VWC2: variants seen among roughly 807,000 people sequenced by gnomAD.
The protein encoded by VWC2 is brorin.
A neutral mutation model predicts 29.8 loss-of-function variants in VWC2; 14 were observed. The observed-to-expected ratio is 0.47, with a 90% CI of 0.31 to 0.74. VWC2 has a LOEUF of 0.74. VWC2 is among the 30% of genes least tolerant of loss of function. The pLI is 0.05. For missense variants in VWC2, 457 were observed against 459.8 expected (o/e 0.99, Z 0.05); for synonymous variants, 213 against 199.0 (o/e 1.07, Z -0.59).
Position 49,819,940 on chromosome 7 carries a change from G to C in VWC2, c.826+17100G>C, listed in dbSNP as rs1391365947. Reference sequence around the variant, plus strand: ...GAGGGCATTGAGCTTTCCTGTATCTGCTTCTTCTTAATTGTCTTCAGCTCA... The same window carrying C: ...GAGGGCATTGAGCTTTCCTGTATCTCCTTCTTCTTAATTGTCTTCAGCTCA... On this transcript the variant is annotated intron_variant, in intron 3 of 3. Coordinates refer to ENST00000340652, the MANE Select transcript of VWC2 (RefSeq NM_198570.5). Among the ~76,000 whole-genome samples the C allele has an allele frequency of 3.9e-5, 6 of 152,254 alleles. No homozygotes were observed. In the Middle Eastern group the frequency reaches 0.01, roughly 259 times the overall value.
At position 49,856,798 on chromosome 7, in the gene VWC2, A is replaced by G. The variant is rs547302218; in HGVS notation, c.826+53958A>G. On this transcript the variant is annotated intron_variant, in intron 3 of 3. Transcript: ENST00000340652. ...GCCGAGGTGGGCGGATCACGAGGTC[A>G]GGAGATCGAGACCATCCTGGCTAAC... Among the ~76,000 whole-genome samples the G allele has an allele frequency of 3.3e-5, 5 of 152,212 alleles. No homozygotes were observed. The East Asian group carries it at 9.7e-4, about 29-fold the overall frequency.
intron 3 of VWC2, among the ~76,000 whole-genome samples, chr7:49,848,403 C>T (rs950818101): frequency 1.3e-5 from 2 of 152,198 alleles, no homozygotes; most frequent in Non-Finnish European, 2.9e-5. Flanking sequence ...GTGTGAGAGC[C>T]GGGCATGGCC....
chr7:49,778,203 C>T (rs1788092377), intron 2 of VWC2, among the ~76,000 whole-genome samples: 1 of 152,016 alleles, frequency 6.6e-6, no homozygotes, highest in Non-Finnish European at 1.5e-5. Context: ...TTCCTCTTTG[C>T]TACCTGTTTG....
intron 3 of VWC2, among the ~76,000 whole-genome samples, chr7:49,861,051 T>G (rs692276): frequency 0.098 from 14,945 of 152,280 alleles, 2,127 homozygotes; most frequent in African/African-American, 0.31. Flanking sequence ...TTAATGTTTT[T>G]AAGACTCACC....
intron 2 of VWC2, among the ~76,000 whole-genome samples, chr7:49,785,578 G>A (rs1788277839): frequency 6.6e-6 from 1 of 152,100 alleles, no homozygotes; most frequent in African/African-American, 2.4e-5. Flanking sequence ...TTCACATCCA[G>A]CCATATTATA....
intron 3 of VWC2, among the ~76,000 whole-genome samples, chr7:49,816,703 C>T (rs1789154888): frequency 6.6e-6 from 1 of 152,186 alleles, no homozygotes; most frequent in Non-Finnish European, 1.5e-5. Flanking sequence ...AAAAAAACAA[C>T]TGATGGATGC....
intron 3 of VWC2, among the ~76,000 whole-genome samples, chr7:49,870,584 T>C (rs926178812): frequency 9.9e-5 from 15 of 152,234 alleles, no homozygotes; most frequent in Admixed American, 9.8e-4. Flanking sequence ...ACAGGGCATG[T>C]CTTACGAGTA....
At chr7:49,813,725 G>C (rs981827367) in intron 3 of VWC2, among the ~76,000 whole-genome samples, 3 of 152,070 alleles carry the variant, frequency 2.0e-5, no homozygotes, top group Non-Finnish European at 4.4e-5. Flanking sequence ...AAAATATCAG[G>C]GCAGAGAAAA....
intron 3 of VWC2, among the ~76,000 whole-genome samples, chr7:49,907,793 G>A (rs1349694525): frequency 1.3e-5 from 2 of 152,172 alleles, no homozygotes; most frequent in African/African-American, 4.8e-5. Flanking sequence ...ATTGACAATT[G>A]CTTGAAAGAG....
chr7:49,806,945 G>T (rs1247653968), intron 3 of VWC2, among the ~76,000 whole-genome samples: 1 of 152,128 alleles, frequency 6.6e-6, no homozygotes, highest in Admixed American at 6.6e-5. Context: ...ATGAACAGTT[G>T]ATTTTAACAA....
intron 3 of VWC2, among the ~76,000 whole-genome samples, chr7:49,819,380 G>A (rs1218405927): frequency 6.6e-6 from 1 of 152,168 alleles, no homozygotes; most frequent in Non-Finnish European, 1.5e-5. Flanking sequence ...ATGACTCCTA[G>A]GCCACCTTTA....
chr7:49,802,871 C>T (rs2128705986), intron 3 of VWC2, 31 bp downstream of exon 3: 2 of 1,613,398 alleles, frequency 1.2e-6, no homozygotes, highest in Non-Finnish European at 8.5e-7. Context: ...TGACGGGGTG[C>T]ACCTCCCACC....
chr7:49,847,256 G>A (rs926358248), intron 3 of VWC2, among the ~76,000 whole-genome samples: 2 of 149,974 alleles, frequency 1.3e-5, no homozygotes, highest in Admixed American at 1.3e-4. Context: ...ATATAATTAG[G>A]TTGTAAATTC....
At position 49,775,579 on chromosome 7, in the gene VWC2, T is replaced by A. The variant is rs1277539939; in HGVS notation, c.144T>A (p.Arg48=). The part of the protein sequence containing the change: ...QAPEQPGQEK[R]EHASRDGPGR... ...CAGAGCAGCCGGGCCAGGAGAAGCGTGAGCACGCCTCTCGGGACGGCCCGG... is the reference window on the plus strand; with the variant it reads ...CAGAGCAGCCGGGCCAGGAGAAGCGAGAGCACGCCTCTCGGGACGGCCCGG... Residue 48 remains arginine, a synonymous_variant, in exon 2 of 4, where the codon CGT becomes CGA. Transcript: ENST00000340652. The A allele has an allele frequency of 6.5e-7, 1 of 1,539,404 alleles. No individual in the cohort carries two copies. The highest frequency in any genetic ancestry group is 1.4e-5 in the African/African-American group (1 of 71,076).
Position 49,916,847 on chromosome 7 carries a change from C to G in VWC2, c.*4662C>G, listed in dbSNP as rs962644468. On this transcript the variant is annotated 3_prime_UTR_variant, in exon 4 of 4. Transcript: ENST00000340652. ...AGAACCCAGAGACACATCAAATACC[C>G]CAAATACCCCATGGTAGTTTTCGGA... 2.6e-5 allele frequency: 4 copies of G among 152,142 alleles called. No homozygotes were observed. The highest frequency in any genetic ancestry group is 5.9e-5 in the Non-Finnish European group (4 of 68,028). The allele number at this position is 152,142 out of a possible 1,614,324, so 9.4% of individuals were successfully genotyped here.
At chr7:49,812,045 A>G (rs1331833235) in intron 3 of VWC2, among the ~76,000 whole-genome samples, 1 of 152,230 alleles carries the variant, frequency 6.6e-6, no homozygotes, top group African/African-American at 2.4e-5. Context: ...TCAAATACAG[A>G]AGCTGTTGCA....
chr7:49,824,087 A>G (rs887350394), intron 3 of VWC2, among the ~76,000 whole-genome samples: 1 of 152,114 alleles, frequency 6.6e-6, no homozygotes, highest in Non-Finnish European at 1.5e-5. Flanking sequence ...TCTTTTAAGA[A>G]GAGCAGAATT....
At chr7:49,837,522 CG>C (rs1222124022) in intron 3 of VWC2, among the ~76,000 whole-genome samples, 1 of 152,024 alleles carries the variant, frequency 6.6e-6, no homozygotes, top group Non-Finnish European at 1.5e-5. Context: ...CCCTGAAGGC[CG>C]GGGGAGGTCA....
intron 3 of VWC2, among the ~76,000 whole-genome samples, chr7:49,856,172 T>C (rs1790409330): frequency 6.6e-6 from 1 of 152,158 alleles, no homozygotes. Context: ...GGGAATCTCA[T>C]GTTGAAATGT....
Sources: gnomAD v4.1 joint callset for allele counts (sites outside exome capture counted in the v4.1 genomes callset) on GRCh38, gnomAD v4.1.1 for gene constraint, MANE v1.5 for transcripts, NCBI Gene and HGNC (gene_info 2026-07-23, HGNC 2026-07-21) for gene names.